Variants in PRKD1 observed in about 807,000 individuals in gnomAD.
The protein encoded by PRKD1 is serine/threonine-protein kinase D1.
A neutral mutation model predicts 95.9 loss-of-function variants in PRKD1; 63 were observed. The observed-to-expected ratio is 0.66, with a 90% CI of 0.54 to 0.81. The LOEUF is 0.81. Ranked by LOEUF, PRKD1 falls within the 30% of genes least tolerant of loss-of-function variation. PRKD1 has a pLI of 0.00. For missense variants in PRKD1, 1,048 were observed against 1,165.3 expected (o/e 0.90, Z 1.47); for synonymous variants, 425 against 423.1 (o/e 1.00, Z -0.05).
chr14:29,804,654 A>C (rs2139226918), intron 1 of PRKD1, among the ~76,000 whole-genome samples: 1 of 152,346 alleles, frequency 6.6e-6, no homozygotes, highest in East Asian at 1.9e-4. Context: ...TGAACAGTTA[A>C]AAAGCAATGA....
At chr14:29,814,911 TG>T (rs1890631876) in intron 1 of PRKD1, among the ~76,000 whole-genome samples, 2 of 152,142 alleles carry the variant, frequency 1.3e-5, no homozygotes, top group Non-Finnish European at 2.9e-5. Flanking sequence ...ATATACACAG[TG>T]TAAAGGATGG....
At chr14:29,688,892 T>C (rs1594429704) in intron 2 of PRKD1, among the ~76,000 whole-genome samples, 1 of 121,526 alleles carries the variant, frequency 8.2e-6, no homozygotes. Flanking sequence ...GAGGCTGGAG[T>C]AAGCAGAGAC....
intron 1 of PRKD1, among the ~76,000 whole-genome samples, chr14:29,783,785 C>A (rs1479822077): frequency 1.3e-5 from 2 of 152,120 alleles, no homozygotes; most frequent in African/African-American, 2.4e-5. Flanking sequence ...ATTCGTATGT[C>A]TTCTGTTGAG....
intron 2 of PRKD1, among the ~76,000 whole-genome samples, chr14:29,674,711 A>G (rs1883055164): frequency 6.6e-6 from 1 of 152,242 alleles, no homozygotes; most frequent in South Asian, 2.1e-4. Context: ...CCTAATTTAC[A>G]TGAGGAACAC....
chr14:29,764,710 T>C (rs969315276), intron 1 of PRKD1, among the ~76,000 whole-genome samples: 1 of 152,160 alleles, frequency 6.6e-6, no homozygotes, highest in African/African-American at 2.4e-5. Flanking sequence ...ATCAATTATA[T>C]CCTAAAGGCC....
chr14:29,813,460 C>CACCT (rs1268720266), intron 1 of PRKD1, among the ~76,000 whole-genome samples: 1 of 152,130 alleles, frequency 6.6e-6, no homozygotes, highest in Non-Finnish European at 1.5e-5. Flanking sequence ...CTTCCCAGAG[C>CACCT]ACCTGAGCCA....
intron 1 of PRKD1, among the ~76,000 whole-genome samples, chr14:29,767,823 A>C (rs1352079670): frequency 6.6e-6 from 1 of 152,218 alleles, no homozygotes; most frequent in Non-Finnish European, 1.5e-5. Context: ...GATTGATTTC[A>C]ATCACAATAA....
intron 1 of PRKD1, among the ~76,000 whole-genome samples, chr14:29,757,382 C>A (rs1887754811): frequency 6.6e-6 from 1 of 152,110 alleles, no homozygotes; most frequent in South Asian, 2.1e-4. Context: ...AGGTACCTAG[C>A]CCCACCTGAA....
chr14:29,865,290 C>T (rs45495403), intron 1 of PRKD1, among the ~76,000 whole-genome samples: 10,233 of 152,076 alleles, frequency 0.067, 1,145 homozygotes, highest in African/African-American at 0.23. Context: ...AATAAACAGC[C>T]GTTAAATAAA....
intron 8 of PRKD1, 107 bp from the exon 9 acceptor site, chr14:29,633,053 A>C (rs1880130397): frequency 9.7e-7 from 1 of 1,028,226 alleles, no homozygotes; most frequent in Admixed American, 1.8e-5. Context: ...TGAGGGTGGA[A>C]AGTGCATGGG....
At chr14:29,640,708 T>C (rs45545132) in intron 4 of PRKD1, among the ~76,000 whole-genome samples, 4,277 of 152,306 alleles carry the variant, frequency 0.028, 183 homozygotes, top group African/African-American at 0.091. Context: ...GTTTTAAGCA[T>C]AGACTAAAAT....
intron 2 of PRKD1, among the ~76,000 whole-genome samples, chr14:29,675,294 T>C (rs1199654250): frequency 6.6e-6 from 1 of 152,238 alleles, no homozygotes; most frequent in Admixed American, 6.5e-5. Context: ...TAAAGTAAAA[T>C]GTATTCCTTT....
intron 8 of PRKD1, among the ~76,000 whole-genome samples, chr14:29,633,743 A>G (rs1880181505): frequency 6.6e-6 from 1 of 152,208 alleles, no homozygotes; most frequent in East Asian, 1.9e-4. Context: ...ATTGAGTCCT[A>G]TAATATCAGG....
chr14:29,732,046 T>C (rs1886466630), intron 1 of PRKD1, among the ~76,000 whole-genome samples: 1 of 151,980 alleles, frequency 6.6e-6, no homozygotes, highest in African/African-American at 2.4e-5. Flanking sequence ...CTAATTTTTG[T>C]ATTTTTAGTA....
Position 29,649,589 on chromosome 14 carries a change from T to A in PRKD1, c.697-10685A>T, listed in dbSNP as rs570002445. 8.5e-5 allele frequency among the ~76,000 whole-genome samples: 13 copies of A among 152,174 alleles called. No homozygotes were observed. In the East Asian group the frequency reaches 2.3e-3, roughly 27 times the overall value. ...TATGAGTTAATAAAAGGAAATTTGG[T>A]TTGAATGTCTAGACTGTTTTTTGAC... On this transcript the variant is annotated intron_variant, in intron 4 of 17. Coordinates refer to ENST00000331968, the MANE Select transcript of PRKD1 (RefSeq NM_002742.3).
intron 1 of PRKD1, among the ~76,000 whole-genome samples, chr14:29,890,042 G>C (rs1893883394): frequency 6.6e-6 from 1 of 152,188 alleles, no homozygotes; most frequent in Non-Finnish European, 1.5e-5. Context: ...CAAATAAGTT[G>C]TGTCATTTAA....
intron 16 of PRKD1, among the ~76,000 whole-genome samples, chr14:29,588,227 T>A (rs959734063): frequency 4.6e-5 from 7 of 152,178 alleles, no homozygotes; most frequent in African/African-American, 1.7e-4. Context: ...GAACAATATG[T>A]TGTGAAAGAG....
intron 1 of PRKD1, among the ~76,000 whole-genome samples, chr14:29,798,954 C>T (rs761392712): frequency 3.9e-5 from 6 of 152,118 alleles, no homozygotes; most frequent in Non-Finnish European, 4.4e-5. Flanking sequence ...GCTGCAGGAG[C>T]GTAAAAGAGC....
chr14:29,650,843 T>TA (rs1220069921), intron 4 of PRKD1, among the ~76,000 whole-genome samples: 2 of 152,226 alleles, frequency 1.3e-5, no homozygotes, highest in Non-Finnish European at 2.9e-5. Context: ...AACAGAAACT[T>TA]AGAGACCTTA....
Sources: allele counts gnomAD v4.1 joint callset (sites outside exome capture counted in the v4.1 genomes callset), GRCh38; gene constraint gnomAD v4.1.1; transcripts MANE v1.5; gene names NCBI Gene and HGNC (gene_info 2026-07-23, HGNC 2026-07-21).